Variants in EHMT1 observed in about 807,000 individuals in gnomAD.
EHMT1 encodes euchromatic histone lysine methyltransferase 1, also known as histone-lysine N-methyltransferase EHMT1.
A neutral mutation model predicts 147.2 loss-of-function variants in EHMT1; 15 were observed. That is an observed-to-expected ratio of 0.10 (90% confidence interval 0.07 to 0.16). The LOEUF is 0.16. EHMT1 is among the 10% of genes least tolerant of loss of function. EHMT1 has a pLI of 1.00. For missense variants in EHMT1, 1,587 were observed against 1,772.4 expected, an observed-to-expected ratio of 0.90 and a Z score of 1.88; for synonymous variants, 795 against 709.6, an observed-to-expected ratio of 1.12 and a Z score of -1.91.
At chr9:137,726,498 C>T (rs987399161) in intron 3 of EHMT1, among the ~76,000 whole-genome samples, 5 of 152,178 alleles carry the variant, frequency 3.3e-5, no homozygotes, top group Non-Finnish European at 7.3e-5. Flanking sequence ...TTGCACACGA[C>T]ACTTTGCTGA....
intron 1 of EHMT1, among the ~76,000 whole-genome samples, chr9:137,705,615 T>C (rs1211267115): frequency 6.6e-6 from 1 of 152,188 alleles, no homozygotes; most frequent in Non-Finnish European, 1.5e-5. Flanking sequence ...GGTCATGTGT[T>C]TTGCCGTGCG....
chr9:137,645,153 G>A (rs1335354711), intron 1 of EHMT1, among the ~76,000 whole-genome samples: 2 of 152,386 alleles, frequency 1.3e-5, no homozygotes, highest in African/African-American at 2.4e-5. Context: ...GATTACAGGC[G>A]TGAGCCGCCA....
intron 4 of EHMT1, among the ~76,000 whole-genome samples, chr9:137,734,013 A>G (rs184835901): frequency 1.5e-4 from 23 of 152,366 alleles, no homozygotes; most frequent in Admixed American, 3.3e-4. Flanking sequence ...CACCCTGGAA[A>G]AGGAGGAGAA....
intron 18 of EHMT1, chr9:137,802,848 G>A (rs1953617425): frequency 1.6e-6 from 2 of 1,231,900 alleles, no homozygotes; most frequent in South Asian, 8.2e-5. Flanking sequence ...CTTTCCCACT[G>A]CGGGTTAGGA....
At chr9:137,673,708 T>C (rs1028379793) in intron 1 of EHMT1, among the ~76,000 whole-genome samples, 3 of 152,240 alleles carry the variant, frequency 2.0e-5, no homozygotes, top group African/African-American at 7.2e-5. Flanking sequence ...TGTTCATCAG[T>C]GTCTTCAAAA....
chr9:137,696,238 G>A (rs1447812317), intron 1 of EHMT1, among the ~76,000 whole-genome samples: 1 of 152,154 alleles, frequency 6.6e-6, no homozygotes, highest in African/African-American at 2.4e-5. Flanking sequence ...GGTGAAATTG[G>A]TATGTGGAAA....
intron 1 of EHMT1, among the ~76,000 whole-genome samples, chr9:137,675,630 A>ATTTT (rs61666243): frequency 9.5e-6 from 1 of 105,760 alleles, no homozygotes; most frequent in Admixed American, 9.8e-5. Context: ...CGCCCGGCTA[A>ATTTT]TTTTTTTTTT....
intron 1 of EHMT1, among the ~76,000 whole-genome samples, chr9:137,702,576 A>G (rs1222484191): frequency 6.6e-6 from 1 of 152,106 alleles, no homozygotes; most frequent in Non-Finnish European, 1.5e-5. Flanking sequence ...TTCAGGGTAC[A>G]GCTCCTGCAG....
chr9:137,643,921 C>T (rs144646109), intron 1 of EHMT1, among the ~76,000 whole-genome samples: 1 of 152,204 alleles, frequency 6.6e-6, no homozygotes, highest in Admixed American at 6.5e-5. Flanking sequence ...ATGAGTACTT[C>T]ATCTGCAGCA....
chr9:137,679,017 G>C (rs574995073), intron 1 of EHMT1, among the ~76,000 whole-genome samples: 2 of 152,198 alleles, frequency 1.3e-5, no homozygotes, highest in East Asian at 1.9e-4. Flanking sequence ...GCAATGGCGC[G>C]ATCTCCGCTC....
intron 14 of EHMT1, among the ~76,000 whole-genome samples, chr9:137,781,482 G>A (rs1419903063): frequency 6.6e-6 from 1 of 151,846 alleles, no homozygotes; most frequent in Non-Finnish European, 1.5e-5. Flanking sequence ...CATGACGCTG[G>A]AATGTGTGGT....
chr9:137,756,163 C>T (rs748052066), intron 8 of EHMT1, among the ~76,000 whole-genome samples: 1 of 152,210 alleles, frequency 6.6e-6, no homozygotes, highest in Non-Finnish European at 1.5e-5. Context: ...TTCTTCTTGG[C>T]ATCTGCAGGC....
At chr9:137,753,513 C>G (rs181508721) in intron 7 of EHMT1, among the ~76,000 whole-genome samples, 2 of 152,202 alleles carry the variant, frequency 1.3e-5, no homozygotes, top group African/African-American at 4.8e-5. Context: ...GGCTGCCCAG[C>G]AAAGGCCTTG....
chr9:137,664,848 T>TG (rs1939458262), intron 1 of EHMT1: 3 of 152,346 alleles, frequency 2.0e-5, no homozygotes, highest in Admixed American at 2.0e-4. Context: ...CATTTGAACT[T>TG]GGAGTCCCAT....
intron 1 of EHMT1, among the ~76,000 whole-genome samples, chr9:137,702,040 C>T (rs568561352): frequency 7.9e-5 from 12 of 152,118 alleles, no homozygotes; most frequent in Non-Finnish European, 1.6e-4. Context: ...GTGATCTACT[C>T]GCCTCAGCCT....
chr9:137,743,198 G>T (rs1045079726), intron 4 of EHMT1, 173 bp from the exon 5 acceptor site: 1 of 673,744 alleles, frequency 1.5e-6, no homozygotes, highest in Non-Finnish European at 2.5e-6. Flanking sequence ...TGATCGTGAG[G>T]GAAGGATGCC....
At chr9:137,699,341 ATGT>A (rs1307757826) in intron 1 of EHMT1, among the ~76,000 whole-genome samples, 3 of 152,192 alleles carry the variant, frequency 2.0e-5, no homozygotes, top group East Asian at 1.9e-4. Context: ...ATGAAAAATA[ATGT>A]TGTCCTGTCA....
intron 25 of EHMT1, among the ~76,000 whole-genome samples, chr9:137,827,440 GCCCGGAC>G (rs200296800): frequency 2.6e-5 from 3 of 115,584 alleles, no homozygotes; most frequent in East Asian, 8.8e-4. Context: ...TCTGACCCAC[GCCCGGAC>G]CCCAGACCCC....
chr9:137,651,351 G>A (rs1486494688), intron 1 of EHMT1, among the ~76,000 whole-genome samples: 5 of 152,114 alleles, frequency 3.3e-5, no homozygotes, highest in African/African-American at 1.2e-4. Context: ...ATGAAGATTT[G>A]TGCCTGTTTT....
Sources: allele counts gnomAD v4.1 joint callset (sites outside exome capture counted in the v4.1 genomes callset), GRCh38; gene constraint gnomAD v4.1.1; transcripts MANE v1.5; gene names NCBI Gene and HGNC (gene_info 2026-07-23, HGNC 2026-07-21).